ACTL6B: variants seen among roughly 807,000 people sequenced by gnomAD.
The protein encoded by ACTL6B is actin-like protein 6B.
A neutral mutation model predicts 63.3 loss-of-function variants in ACTL6B; 48 were observed. That is an observed-to-expected ratio of 0.76 (90% CI 0.60 to 0.96). ACTL6B has a LOEUF of 0.96. Among genes scored for constraint, ACTL6B ranks in the 50% least tolerant of loss-of-function variants. The probability of loss-of-function intolerance (pLI) is 0.00; values close to 1 mark genes in which losing one functional copy is unlikely to be tolerated. For synonymous variants in ACTL6B, 230 were observed against 223.8 expected, an observed-to-expected ratio of 1.03 and a Z score of -0.25; for missense variants, 350 against 572.2, an observed-to-expected ratio of 0.61 and a Z score of 3.96.
At position 100,656,315 on chromosome 7, in the gene ACTL6B, C is replaced by A. The variant is rs1392862310; in HGVS notation, c.25+15G>T. ...ACGCAGGGCTGCGGGAGCCGGGGGCCCGAGGCTCGCTCACCTCCGCCGTAG... is the reference window on the plus strand; with the variant it reads ...ACGCAGGGCTGCGGGAGCCGGGGGCACGAGGCTCGCTCACCTCCGCCGTAG... On this transcript the variant is annotated intron_variant, in intron 1 of 13. Coordinates refer to ENST00000160382, the MANE Select transcript of ACTL6B (RefSeq NM_016188.5). 7 of 1,384,604 alleles carry A rather than the reference C, an allele frequency of 5.1e-6. No individual in the cohort carries two copies. The highest frequency in any genetic ancestry group is 6.6e-6 in the Non-Finnish European group (7 of 1,066,088). The allele number at this position is 1,384,604 out of a possible 1,614,324, so 85.8% of individuals were successfully genotyped here. A position where few individuals can be genotyped will look rare whatever the true frequency, so the allele number is the denominator to read the frequency against.
chr7:100,646,606 A>T lies in ACTL6B; in HGVS notation c.1058T>A (p.Leu353Gln). ...GAGCCTGTCAGTGAAGCCCTGCAGC[A>T]GTGTGTTCCCGCCGGTGACAATGAC... ...GSVIVTGGNT[L>Q]LQGFTDRLNR... Residue 353 changes from leucine (L) to glutamine (Q), a missense_variant, in exon 12 of 14, where the codon CTG becomes CAG. Around this residue, in one of 3 missense-constraint regions of ACTL6B, gnomAD observed 76 missense variants for 126.1 expected, o/e 0.60. Coordinates refer to ENST00000160382, the MANE Select transcript of ACTL6B (RefSeq NM_016188.5). This position sits in a 1 kb window ranked among gnomAD's most constrained non-coding sequence, Gnocchi z 6.1. 1 of 1,614,004 alleles carries T rather than the reference A, an allele frequency of 6.2e-7. No individual in the cohort carries two copies. The highest frequency in any genetic ancestry group is 8.5e-7 in the Non-Finnish European group (1 of 1,179,998).
chr7:100,646,611 G>A lies in ACTL6B; in HGVS notation c.1053C>T (p.Asn351=), dbSNP rs1196020970. 3 of 1,613,992 alleles carry A rather than the reference G, an allele frequency of 1.9e-6. No individual in the cohort carries two copies. The highest frequency in any genetic ancestry group is 2.5e-6 in the Non-Finnish European group (3 of 1,180,012). The change falls in exon 12 of 14, where the codon AAC becomes AAT. Residue 351 remains asparagine, a synonymous_variant. Coordinates refer to ENST00000160382, the MANE Select transcript of ACTL6B (RefSeq NM_016188.5). The surrounding 1 kb of genome is among the most constrained non-coding windows in gnomAD (Gnocchi z 6.1). ...LYGSVIVTGG[N]TLLQGFTDRL... is the part of the protein sequence containing the mutation. ...TGTCAGTGAAGCCCTGCAGCAGTGT[G>A]TTCCCGCCGGTGACAATGACACTCC...
intron 5 of ACTL6B, among the ~76,000 whole-genome samples, chr7:100,649,262 G>A (rs979916301): frequency 7.3e-5 from 11 of 151,408 alleles, no homozygotes; most frequent in Non-Finnish European, 8.8e-5. Flanking sequence ...AAAGTGCCGG[G>A]ATTACAGGCA....
chr7:100,654,041 C>G (rs945537909), intron 4 of ACTL6B, among the ~76,000 whole-genome samples: 5 of 151,566 alleles, frequency 3.3e-5, no homozygotes, highest in Non-Finnish European at 5.9e-5. Flanking sequence ...GGTGCGATCT[C>G]AGCTCACTGC....
Position 100,647,373 on chromosome 7 carries a change from C to A in ACTL6B, c.759+71G>T. 1 of 1,599,768 alleles carries A rather than the reference C, an allele frequency of 6.3e-7. No individual in the cohort carries two copies. Among genetic ancestry groups the A allele is most frequent in the East Asian group, 2.2e-5 (1 of 44,818 alleles). On this transcript the variant is annotated intron_variant, in intron 8 of 13. Transcript: ENST00000160382. This position sits in a 1 kb window ranked among gnomAD's most constrained non-coding sequence, Gnocchi z 4.4. ...CCCCCTCCCTGCTCCCCCTCCCATG[C>A]GGGGCCTCTGTCCCGCCCCCGATTC...
Position 100,647,324 on chromosome 7 carries a change from G to C in ACTL6B, c.760-40C>G, listed in dbSNP as rs779793080. 12 of 1,609,824 alleles carry C rather than the reference G, an allele frequency of 7.5e-6. No individual in the cohort carries two copies. Among genetic ancestry groups the C allele is most frequent in the South Asian group, 1.1e-5 (1 of 90,994 alleles). On this transcript the variant is annotated intron_variant, in intron 8 of 13. Coordinates refer to ENST00000160382, the MANE Select transcript of ACTL6B (RefSeq NM_016188.5). This position sits in a 1 kb window ranked among gnomAD's most constrained non-coding sequence, Gnocchi z 4.4. Reference sequence around the variant, plus strand: ...GAGGTGGTGAGGGCCTGCCTTCCCCGTGAGCAGCACCCCCTGCCCCGCTCC... The same window carrying C: ...GAGGTGGTGAGGGCCTGCCTTCCCCCTGAGCAGCACCCCCTGCCCCGCTCC...
chr7:100,643,193 G>T lies in ACTL6B; in HGVS notation c.*53C>A, dbSNP rs1218001228. The stretch of plus-strand genomic sequence containing the variant: ...GAGGAGGGGGGCAATGTGGCATGGG[G>T]GTTAAGGGACTTCCATCTGAGCTTG... On this transcript the variant is annotated 3_prime_UTR_variant, in exon 14 of 14. Coordinates refer to ENST00000160382, the MANE Select transcript of ACTL6B (RefSeq NM_016188.5). The T allele has an allele frequency of 1.4e-5, 22 of 1,551,338 alleles. No individual in the cohort carries two copies. The highest frequency in any genetic ancestry group is 1.6e-5 in the Non-Finnish European group (18 of 1,123,822).
In ACTL6B at chr7:100,646,235, C is replaced by G; in HGVS notation, c.1200+14G>C. On this transcript the variant is annotated intron_variant, in intron 13 of 13. Coordinates refer to ENST00000160382, the MANE Select transcript of ACTL6B (RefSeq NM_016188.5). This position sits in a 1 kb window ranked among gnomAD's most constrained non-coding sequence, Gnocchi z 6.1. ...CCCCACAGTCAGTGCTAGGCCAGGT[C>G]CCTTTCCTCTCACCAGTGAGGCCAG... The G allele has an allele frequency of 6.2e-7, 1 of 1,612,512 alleles. No homozygotes were observed. Among genetic ancestry groups the G allele is most frequent in the Non-Finnish European group, 8.5e-7 (1 of 1,178,912 alleles).
chr7:100,649,950 C>G, intron 5 of ACTL6B, 88 bp downstream of exon 5: 2 of 1,231,268 alleles, frequency 1.6e-6, no homozygotes, highest in South Asian at 2.5e-5. Context: ...GAGAACCAGG[C>G]CTGACCCTCC....
At position 100,646,485 on chromosome 7, in the gene ACTL6B, G is replaced by A; in HGVS notation, c.1113+66C>T. 1 of 1,572,924 alleles carries A rather than the reference G, an allele frequency of 6.4e-7. No individual in the cohort carries two copies. The highest frequency in any genetic ancestry group is 8.7e-7 in the Non-Finnish European group (1 of 1,143,462). On this transcript the variant is annotated intron_variant, in intron 12 of 13. Coordinates refer to ENST00000160382, the MANE Select transcript of ACTL6B (RefSeq NM_016188.5). This position sits in a 1 kb window ranked among gnomAD's most constrained non-coding sequence, Gnocchi z 6.1. ...AGGAAGGACATGGGAAGGATGAAGG[G>A]ACTCAGTCCTGGACAGCTGAGCCAG...
At position 100,647,351 on chromosome 7, in the gene ACTL6B, C is replaced by G. The variant is rs779400172; in HGVS notation, c.760-67G>C. The G allele has an allele frequency of 1.9e-6, 3 of 1,601,352 alleles. No homozygotes were observed. The highest frequency in any genetic ancestry group is 2.6e-6 in the Non-Finnish European group (3 of 1,170,238). ...GAGCAGCACCCCCTGCCCCGCTCCC[C>G]CTCCCTGCTCCCCCTCCCATGCGGG... On this transcript the variant is annotated intron_variant, in intron 8 of 13. Transcript: ENST00000160382. The surrounding 1 kb of genome is among the most constrained non-coding windows in gnomAD (Gnocchi z 4.4).
At chr7:100,651,831 G>A (rs1803946451) in intron 4 of ACTL6B, among the ~76,000 whole-genome samples, 1 of 152,018 alleles carries the variant, frequency 6.6e-6, no homozygotes, top group Admixed American at 6.6e-5. Flanking sequence ...GCCTCCCAAA[G>A]TGCTGGGATT....
In ACTL6B at chr7:100,647,031, T is replaced by C; in HGVS notation, c.876A>G (p.Thr292=). 1 of 1,614,110 alleles carries C rather than the reference T, an allele frequency of 6.2e-7. No homozygotes were observed. Among genetic ancestry groups the C allele is most frequent in the Non-Finnish European group, 8.5e-7 (1 of 1,180,008 alleles). The change falls in exon 10 of 14, where the codon ACA becomes ACG. Residue 292 remains threonine, a synonymous_variant. Transcript: ENST00000160382. The surrounding 1 kb of genome is among the most constrained non-coding windows in gnomAD (Gnocchi z 4.4). ...VHYEMPNGYN[T]DYGAERLRIP... ...TGCGGAGTCGCTCGGCGCCGTAGTC[T>C]GTATTGTAGCCATTGGGCATCTCGT... is the stretch of plus-strand genomic sequence containing the variant.
chr7:100,648,379 A>G lies in ACTL6B; in HGVS notation c.669+177T>C, dbSNP rs952392446. 8.5e-6 allele frequency: 5 copies of G among 587,742 alleles called. No homozygotes were observed. The highest frequency in any genetic ancestry group is 1.2e-5 in the Non-Finnish European group (4 of 341,616). The allele number at this position is 587,742 out of a possible 1,614,324, so 36.4% of individuals were successfully genotyped here. On this transcript the variant is annotated intron_variant, in intron 7 of 13. Transcript: ENST00000160382. This position sits in a 1 kb window ranked among gnomAD's most constrained non-coding sequence, Gnocchi z 4.4. ...TGCCAGCTGGTTTCATGACCTCAGC[A>G]TATCCCTCAGCCTGTCTGGATTTCG...
intron 4 of ACTL6B, among the ~76,000 whole-genome samples, chr7:100,653,884 C>T (rs1803986670): frequency 6.6e-6 from 1 of 152,018 alleles, no homozygotes; most frequent in Non-Finnish European, 1.5e-5. Flanking sequence ...AAAATACCCC[C>T]AACATTAGCT....
At chr7:100,653,163 T>C (rs1430441100) in intron 4 of ACTL6B, among the ~76,000 whole-genome samples, 3 of 151,872 alleles carry the variant, frequency 2.0e-5, no homozygotes, top group East Asian at 1.9e-4. Flanking sequence ...AGTGTAAATA[T>C]TGGGCTGAGC....
At chr7:100,650,568 G>C (rs563908810) in intron 4 of ACTL6B, among the ~76,000 whole-genome samples, 43 of 152,248 alleles carry the variant, frequency 2.8e-4, no homozygotes, top group African/African-American at 9.9e-4. Context: ...CAGACAGGGT[G>C]GCTTACGCCT....
Position 100,647,236 on chromosome 7 carries a change from G to C in ACTL6B, c.808C>G (p.Pro270Ala), listed in dbSNP as rs1248109364. 1 of 1,613,520 alleles carries C rather than the reference G, an allele frequency of 6.2e-7. No homozygotes were observed. Among genetic ancestry groups the C allele is most frequent in the African/African-American group, 1.3e-5 (1 of 74,996 alleles). ...AGCCACACTCACTGTTCATCGTAGG[G>C]GGAGTCTGAGACCTGCAGCACGGAG... is the stretch of plus-strand genomic sequence containing the variant. ...QASVLQVSDS[P>A]YDEQVAAQMP... Residue 270 changes from proline to alanine, a missense_variant, in exon 9 of 14, where the codon CCC (proline) becomes GCC (alanine). Pro to Ala is a conservative substitution (Grantham distance 27). Transcript: ENST00000160382. The surrounding 1 kb of genome is among the most constrained non-coding windows in gnomAD (Gnocchi z 4.4).
rs1803830503 is a variant in ACTL6B at position 100,646,777 on chromosome 7, C to T, written c.991G>A (p.Gly331Ser). 6.2e-7 allele frequency: 1 copy of T among 1,613,566 alleles called. No individual in the cohort carries two copies. The highest frequency in any genetic ancestry group is 1.3e-5 in the African/African-American group (1 of 74,874). ...GGGCGAATATCAATGTCACACATGC[C>T]GATGCTGGTGGTCACCACGTGGCCC... is the stretch of plus-strand genomic sequence containing the variant. Reference protein sequence around the residue: ...GVGHVVTTSIGMCDIDIRPGL... With the variant: ...GVGHVVTTSISMCDIDIRPGL... The change falls in exon 11 of 14, where the codon GGC becomes AGC. Residue 331 changes from glycine to serine, a missense_variant. This residue lies in a region of ACTL6B where 24 missense variants were observed against 81.4 expected (regional missense o/e 0.29). Transcript: ENST00000160382. This position sits in a 1 kb window ranked among gnomAD's most constrained non-coding sequence, Gnocchi z 6.1.
Sources: allele counts gnomAD v4.1 joint callset (sites outside exome capture counted in the v4.1 genomes callset), GRCh38; gene constraint gnomAD v4.1.1; regional missense constraint gnomAD v4.1.1; non-coding constraint Gnocchi (gnomAD v3.1); transcripts MANE v1.5; gene names NCBI Gene and HGNC (gene_info 2026-07-23, HGNC 2026-07-21).